ADRA1A: variants seen among roughly 807,000 people sequenced by gnomAD.
ADRA1A encodes adrenoceptor alpha 1A.
A neutral mutation model predicts 29.6 loss-of-function variants in ADRA1A; 31 were observed. The observed-to-expected ratio is 1.05, with a 90% CI of 0.79 to 1.41. The LOEUF is 1.41. Ranked by LOEUF, ADRA1A falls within the 40% of genes most tolerant of loss-of-function variation. The pLI is 0.00. For synonymous variants in ADRA1A, 311 were observed against 254.3 expected (o/e 1.22, Z -2.12); for missense variants, 619 against 601.1 (o/e 1.03, Z -0.31).
At chr8:26,794,991 C>A (rs900693130) in intron 2 of ADRA1A, among the ~76,000 whole-genome samples, 2 of 152,088 alleles carry the variant, frequency 1.3e-5, no homozygotes, top group Middle Eastern at 6.8e-3. Context: ...GGAAAACAAA[C>A]GTTGTATTTT....
In ADRA1A at chr8:26,806,817, C is replaced by G. The variant is rs995109801; in HGVS notation, c.884-36151G>C. On this transcript the variant is annotated intron_variant, in intron 2 of 2. Coordinates refer to ENST00000380573, the MANE Select transcript of ADRA1A (RefSeq NM_000680.4). The surrounding 1 kb of genome is among the most constrained non-coding windows in gnomAD (Gnocchi z 4.6). Reference sequence around the variant, plus strand: ...CATGGAACATCCTAGAAAAGGAGAACCAGCCACACCCTCAGCTTCCCAGAG... The same window carrying G: ...CATGGAACATCCTAGAAAAGGAGAAGCAGCCACACCCTCAGCTTCCCAGAG... Among the ~76,000 whole-genome samples the G allele has an allele frequency of 6.6e-6, 1 of 152,116 alleles. No homozygotes were observed. Among genetic ancestry groups the G allele is most frequent in the South Asian group, 2.1e-4 (1 of 4,816 alleles).
At chr8:26,849,863 G>T (rs982796907) in intron 2 of ADRA1A, among the ~76,000 whole-genome samples, 12 of 152,008 alleles carry the variant, frequency 7.9e-5, no homozygotes, top group African/African-American at 2.4e-4. Flanking sequence ...AGTGTAGGGG[G>T]TGACGAAGAT....
intron 2 of ADRA1A, among the ~76,000 whole-genome samples, chr8:26,760,136 G>A (rs998295437): frequency 2.6e-5 from 4 of 152,316 alleles, no homozygotes; most frequent in South Asian, 4.1e-4. Flanking sequence ...AATGCTCCTC[G>A]CTTCTCAGCA....
chr8:26,814,626 T>G (rs999222244), intron 2 of ADRA1A, among the ~76,000 whole-genome samples: 24 of 152,364 alleles, frequency 1.6e-4, no homozygotes, highest in African/African-American at 5.3e-4. Context: ...AACACTTCTT[T>G]AAAATAAAGA....
At chr8:26,850,274 G>A (rs1284416503) in intron 2 of ADRA1A, among the ~76,000 whole-genome samples, 1 of 152,076 alleles carries the variant, frequency 6.6e-6, no homozygotes, top group East Asian at 1.9e-4. Flanking sequence ...AATACACAAA[G>A]AGAGTACTTG....
chr8:26,801,916 A>G (rs1808609099), intron 2 of ADRA1A, among the ~76,000 whole-genome samples: 1 of 152,180 alleles, frequency 6.6e-6, no homozygotes, highest in Admixed American at 6.5e-5. Flanking sequence ...ACAAAACTGA[A>G]TGAAGAACCC....
At chr8:26,786,754 GGTC>G in intron 2 of ADRA1A, among the ~76,000 whole-genome samples, 1 of 148,784 alleles carries the variant, frequency 6.7e-6, no homozygotes, top group East Asian at 2.0e-4. Flanking sequence ...TGGGGGGGGG[GGTC>G]TCTCATTAAA....
downstream of ADRA1A, among the ~76,000 whole-genome samples, chr8:26,767,828 C>G (rs1314635708): frequency 6.6e-6 from 1 of 152,228 alleles, no homozygotes; most frequent in South Asian, 2.1e-4. Context: ...TTTTCTTATT[C>G]AGATCCTGGA....
rs1806760136 is a variant in ADRA1A at position 26,779,036 on chromosome 8, ACTCACAC to A, written c.884-8377_884-8371del. 5 of 266,554 alleles carry A rather than the reference ACTCACAC, an allele frequency of 1.9e-5. No homozygotes were observed. The East Asian group carries it at 3.6e-4, about 19-fold the overall frequency. 16.5% of individuals were successfully genotyped at this position (266,554 alleles called of 1,614,324 possible). ...CAGTCTAAAGAAGAGTAATCTTCAA[ACTCACAC>A]CTGCTGAATGGCTTATTTATTTCAC... is the stretch of plus-strand genomic sequence containing the variant. On this transcript the variant is annotated intron_variant, in intron 2 of 2. Transcript: ENST00000380573.
In ADRA1A at chr8:26,864,175, G is replaced by C. The variant is rs758683250; in HGVS notation, c.795C>G (p.Ser265=). Residue 265 remains serine (S), a synonymous_variant, in exon 2 of 3, where the codon TCC becomes TCG. Coordinates refer to ENST00000380573, the MANE Select transcript of ADRA1A (RefSeq NM_000680.4). The surrounding 1 kb of genome is among the most constrained non-coding windows in gnomAD (Gnocchi z 8.1). ...GCGTTTTGGCCGCTTTCTTCTCCCG[G>C]GAGAACTTGAGGAGCCTCACTGAGA... is the stretch of plus-strand genomic sequence containing the variant. ...THFSVRLLKF[S]REKKAAKTLG... is the part of the protein sequence containing the mutation. 6.2e-7 allele frequency: 1 copy of C among 1,614,150 alleles called. No homozygotes were observed. Among genetic ancestry groups the C allele is most frequent in the South Asian group, 1.1e-5 (1 of 91,078 alleles).
intron 2 of ADRA1A, among the ~76,000 whole-genome samples, chr8:26,801,475 AC>A (rs1211665286): frequency 6.6e-6 from 1 of 152,210 alleles, no homozygotes; most frequent in Non-Finnish European, 1.5e-5. Flanking sequence ...CCAACAGCAA[AC>A]AGTTTGAAAA....
chr8:26,808,882 A>G (rs1809182714), intron 2 of ADRA1A, among the ~76,000 whole-genome samples: 1 of 152,232 alleles, frequency 6.6e-6, no homozygotes, highest in South Asian at 2.1e-4. Context: ...GCAATAATCT[A>G]GACAGCTTTG....
chr8:26,766,215 A>G (rs985732369), downstream of ADRA1A: 1 of 1,122,908 alleles, frequency 8.9e-7, no homozygotes, highest in Non-Finnish European at 1.3e-6. Context: ...ATTTGCTTTC[A>G]TTTATTTTTA....
At chr8:26,862,186 T>C (rs498917) in intron 2 of ADRA1A, among the ~76,000 whole-genome samples, 127,029 of 152,130 alleles carry the variant, frequency 0.84, 53,678 homozygotes, top group East Asian at 0.91. Context: ...GTGATCTTCA[T>C]TGAACAGGTC....
chr8:26,867,208 C>T lies in ADRA1A; in HGVS notation c.-959G>A, dbSNP rs1813961183. 1.0e-6 allele frequency: 1 copy of T among 985,256 alleles called. No individual in the cohort carries two copies. The highest frequency in any genetic ancestry group is 6.2e-5 in the Admixed American group (1 of 16,258). The allele number at this position is 985,256 out of a possible 1,614,324, so 61.0% of individuals were successfully genotyped here. On this transcript the variant is annotated 5_prime_UTR_variant, in exon 1 of 3. Coordinates refer to ENST00000380573, the MANE Select transcript of ADRA1A (RefSeq NM_000680.4). Reference sequence around the variant, plus strand: ...GATAACCGGTAACTCCACAATCACCCTTTTAATATTCAGCTCCCCGACACC... The same window carrying T: ...GATAACCGGTAACTCCACAATCACCTTTTTAATATTCAGCTCCCCGACACC...
At chr8:26,801,756 T>A (rs1048611995) in intron 2 of ADRA1A, among the ~76,000 whole-genome samples, 2 of 152,064 alleles carry the variant, frequency 1.3e-5, no homozygotes, top group African/African-American at 4.8e-5. Flanking sequence ...ATAAAATTTA[T>A]ATGGAACCAC....
intron 2 of ADRA1A, among the ~76,000 whole-genome samples, chr8:26,803,874 C>T (rs528444355): frequency 3.3e-5 from 5 of 150,154 alleles, no homozygotes; most frequent in South Asian, 2.1e-4. Flanking sequence ...GATACTACCA[C>T]ATACCTACTA....
rs200396748 is a variant in ADRA1A at position 26,854,433 on chromosome 8, G to GC, written c.883+9653_883+9654insG. On this transcript the variant is annotated intron_variant, in intron 2 of 2. Coordinates refer to ENST00000380573, the MANE Select transcript of ADRA1A (RefSeq NM_000680.4). ...GAAGTTAAAGCGGGGCGGGGGGGGG[G>GC]AGCAGGCAGAGGTGCTTTCTCCCAT... The GC allele has an allele frequency of 1.7e-4, 17 of 98,786 alleles. 1 individual carries two copies. Among genetic ancestry groups the GC allele is most frequent in the Middle Eastern group, 5.1e-3 (1 of 196 alleles). The allele number at this position is 98,786 out of a possible 1,614,324, so 6.1% of individuals were successfully genotyped here.
In ADRA1A at chr8:26,864,559, G is replaced by T; in HGVS notation, c.411C>A (p.Ile137=). 2 of 1,614,130 alleles carry T rather than the reference G, an allele frequency of 1.2e-6. No homozygotes were observed. Among genetic ancestry groups the T allele is most frequent in the Non-Finnish European group, 1.7e-6 (2 of 1,180,020 alleles). ...GVSYPLRYPT[I]VTQRRGLMAL... is the part of the protein sequence containing the mutation. ...CCATGAGACCCCTCCTCTGGGTGAC[G>T]ATGGTTGGGTAGCGCAGCGGGTAGC... The change falls in exon 2 of 3, where the codon ATC becomes ATA. Residue 137 remains isoleucine (I), a synonymous_variant. Transcript: ENST00000380573. The surrounding 1 kb of genome is among the most constrained non-coding windows in gnomAD (Gnocchi z 8.1).
Sources: gnomAD v4.1 joint callset for allele counts (sites outside exome capture counted in the v4.1 genomes callset) on GRCh38, gnomAD v4.1.1 for gene constraint, Gnocchi (gnomAD v3.1) non-coding constraint, MANE v1.5 for transcripts, NCBI Gene and HGNC (gene_info 2026-07-23, HGNC 2026-07-21) for gene names.